The following MYBL2 variants were observed in gnomAD, a reference collection of about 807,000 sequenced individuals.
MYBL2 encodes the protein myb-related protein B.
MYBL2 carries 28 observed loss-of-function variants against 79.9 expected under a neutral mutation model. The observed-to-expected ratio is 0.35, with a 90% CI of 0.26 to 0.48. The LOEUF is 0.48. Ranked by LOEUF, MYBL2 falls within the 20% of genes least tolerant of loss-of-function variation. MYBL2 has a pLI of 0.99. For synonymous variants in MYBL2, 378 were observed against 361.2 expected (o/e 1.05, Z -0.53); for missense variants, 735 against 893.9 (o/e 0.82, Z 2.27).
rs148984806 is a variant in MYBL2 at position 43,679,268 on chromosome 20, C to T, written c.115-2516C>T. On this transcript the variant is annotated intron_variant, in intron 2 of 13. Transcript: ENST00000217026. ...GGGCTTTGATACCTGTCGTGGGCCACGTTGTGACCAATTTTTCTGTCTAGG... is the reference window on the plus strand; with the variant it reads ...GGGCTTTGATACCTGTCGTGGGCCATGTTGTGACCAATTTTTCTGTCTAGG... 8.5e-5 allele frequency among the ~76,000 whole-genome samples: 13 copies of T among 152,252 alleles called. No individual in the cohort carries two copies. The East Asian group carries it at 2.1e-3, about 25-fold the overall frequency.
At chr20:43,674,266 C>A (rs1380840794) in intron 2 of MYBL2, among the ~76,000 whole-genome samples, 2 of 108,824 alleles carry the variant, frequency 1.8e-5, no homozygotes, top group South Asian at 3.2e-4. Context: ...GACAGAGTTT[C>A]GCTCTTGTCA....
intron 1 of MYBL2, among the ~76,000 whole-genome samples, chr20:43,668,465 G>T (rs1389215938): frequency 6.6e-6 from 1 of 152,094 alleles, no homozygotes; most frequent in Non-Finnish European, 1.5e-5. Context: ...CTCCCAAAGT[G>T]CTGGGATTAC....
intron 8 of MYBL2, among the ~76,000 whole-genome samples, chr20:43,704,625 G>A (rs1987740515): frequency 6.6e-6 from 1 of 152,154 alleles, no homozygotes. Flanking sequence ...GTGCTTCAAA[G>A]GATGGATGTT....
chr20:43,704,107 A>G (rs1987729386), intron 8 of MYBL2, among the ~76,000 whole-genome samples: 1 of 152,110 alleles, frequency 6.6e-6, no homozygotes, highest in African/African-American at 2.4e-5. Flanking sequence ...TCCACCTTCC[A>G]GGTTCAAGGA....
At chr20:43,705,391 C>T in intron 9 of MYBL2, 33 bp downstream of exon 9, 1 of 1,568,410 alleles carries the variant, frequency 6.4e-7, no homozygotes, top group Non-Finnish European at 8.7e-7. Context: ...CCTTCGCCGT[C>T]CTCTCCCTCA....
chr20:43,711,093 A>G (rs1235886026), intron 10 of MYBL2, among the ~76,000 whole-genome samples: 1 of 152,190 alleles, frequency 6.6e-6, no homozygotes, highest in African/African-American at 2.4e-5. Context: ...GAGAGCCCCC[A>G]TTAGTGTGGA....
rs147707594 is a variant in MYBL2 at position 43,684,976 on chromosome 20, G to T, written c.280-1876G>T. Among the ~76,000 whole-genome samples, 271 of 151,292 alleles carry T rather than the reference G, an allele frequency of 1.8e-3. 1 individual carries two copies. The highest frequency in any genetic ancestry group is 6.1e-3 in the African/African-American group (254 of 41,350). On this transcript the variant is annotated intron_variant, in intron 4 of 13. Coordinates refer to ENST00000217026, the MANE Select transcript of MYBL2 (RefSeq NM_002466.4). The stretch of plus-strand genomic sequence containing the variant: ...AGCCTGACCAACATGGCGAAACCCC[G>T]TCTCTACTAAAAATGCAAAGATGAG...
rs1421597305 is a variant in MYBL2 at position 43,716,220 on chromosome 20, C to G, written c.*133C>G. ...TGCCACCAGCCCCTCCCCAGACTCT[C>G]AGGTGGAGGCAACAGGGCCATGTGC... On this transcript the variant is annotated 3_prime_UTR_variant, in exon 14 of 14. Transcript: ENST00000217026. 1 of 1,401,320 alleles carries G rather than the reference C, an allele frequency of 7.1e-7. No homozygotes were observed. 86.8% of individuals were successfully genotyped at this position (1,401,320 alleles called of 1,614,324 possible).
chr20:43,690,125 C>T (rs1482380402), intron 5 of MYBL2, among the ~76,000 whole-genome samples: 7 of 150,990 alleles, frequency 4.6e-5, no homozygotes, highest in Middle Eastern at 3.3e-3. Context: ...ATGAGGAGGG[C>T]GCATGTGTAC....
At chr20:43,715,051 G>A in intron 12 of MYBL2, 83 bp from the exon 13 acceptor site, 1 of 1,528,970 alleles carries the variant, frequency 6.5e-7, no homozygotes, top group East Asian at 2.3e-5. Context: ...AGGTGGTGGT[G>A]CTGGGGTGGG....
At chr20:43,668,194 CTTTTTTTTT>C (rs3091539) in intron 1 of MYBL2, among the ~76,000 whole-genome samples, 1 of 80,620 alleles carries the variant, frequency 1.2e-5, no homozygotes, top group Non-Finnish European at 2.4e-5. Context: ...TTCGTTCCCT[CTTTTTTTTT>C]TTTTTTTTTT....
intron 12 of MYBL2, 45 bp from the exon 13 acceptor site, chr20:43,715,089 A>T: frequency 6.2e-7 from 1 of 1,607,010 alleles, no homozygotes. Flanking sequence ...TCCCTCTCAC[A>T]GCTTCTCGCA....
chr20:43,680,579 C>T (rs576165885), intron 2 of MYBL2, among the ~76,000 whole-genome samples: 20 of 152,252 alleles, frequency 1.3e-4, no homozygotes, highest in African/African-American at 4.6e-4. Flanking sequence ...CTCACTGCAA[C>T]CTCCGCCTCC....
chr20:43,692,045 G>C (rs1987423965), intron 5 of MYBL2, 112 bp from the exon 6 acceptor site: 1 of 957,768 alleles, frequency 1.0e-6, no homozygotes, highest in African/African-American at 1.6e-5. Flanking sequence ...AGTTCATCTA[G>C]TGGAAGATTC....
intron 5 of MYBL2, among the ~76,000 whole-genome samples, chr20:43,687,848 T>A (rs1399229812): frequency 2.6e-5 from 4 of 151,832 alleles, no homozygotes; most frequent in Admixed American, 6.6e-5. Context: ...AAGCCTCATC[T>A]CTACTAAAAA....
At chr20:43,676,524 A>T (rs1398803461) in intron 2 of MYBL2, among the ~76,000 whole-genome samples, 1 of 152,132 alleles carries the variant, frequency 6.6e-6, no homozygotes, top group Admixed American at 6.6e-5. Flanking sequence ...CTATCACTGG[A>T]TAGTAGTCCA....
chr20:43,674,482 G>A (rs567243099), intron 2 of MYBL2, among the ~76,000 whole-genome samples: 23 of 151,532 alleles, frequency 1.5e-4, no homozygotes, highest in African/African-American at 4.8e-4. Flanking sequence ...TGCCTCCCAG[G>A]TTCCAAGCAA....
In MYBL2 at chr20:43,709,981, G is replaced by T; in HGVS notation, c.1524G>T (p.Gln508His). 6.2e-7 allele frequency: 1 copy of T among 1,608,588 alleles called. No individual in the cohort carries two copies. The highest frequency in any genetic ancestry group is 1.1e-5 in the South Asian group (1 of 89,418). The change falls in exon 10 of 14, where the codon CAG becomes CAT. Residue 508 changes from glutamine to histidine, a missense_variant. By Grantham distance (24) the Gln-to-His change is conservative. Around this residue, in one of 5 missense-constraint regions of MYBL2, gnomAD observed 243 missense variants for 327.2 expected, o/e 0.74. Coordinates refer to ENST00000217026, the MANE Select transcript of MYBL2 (RefSeq NM_002466.4). ...QKHAAFVTPD[Q>H]KYSMDNTPHT... ...CTGGCAGGTTTGTAACCCCAGATCAGAAGTACTCCATGGACAACACTCCCC... is the reference window on the plus strand; with the variant it reads ...CTGGCAGGTTTGTAACCCCAGATCATAAGTACTCCATGGACAACACTCCCC...
chr20:43,667,861 C>T lies in MYBL2; in HGVS notation c.20+558C>T, dbSNP rs1986756610. ...CTGAGTTGGGGGCTCTTTTGTCTCT[C>T]CCACCTGGGTTCCGCGCCCCAGCTT... is the stretch of plus-strand genomic sequence containing the variant. On this transcript the variant is annotated intron_variant, in intron 1 of 13. Coordinates refer to ENST00000217026, the MANE Select transcript of MYBL2 (RefSeq NM_002466.4). Among the ~76,000 whole-genome samples, 12 of 152,292 alleles carry T rather than the reference C, an allele frequency of 7.9e-5. No individual in the cohort carries two copies. The South Asian group carries it at 2.5e-3, about 32-fold the overall frequency.
Sources: allele counts gnomAD v4.1 joint callset (sites outside exome capture counted in the v4.1 genomes callset), GRCh38; gene constraint gnomAD v4.1.1; regional missense constraint gnomAD v4.1.1; transcripts MANE v1.5; gene names NCBI Gene and HGNC (gene_info 2026-07-23, HGNC 2026-07-21).